RREB1: variants seen among roughly 807,000 people sequenced by gnomAD.
The protein encoded by RREB1 is ras-responsive element-binding protein 1.
A neutral mutation model predicts 117.8 loss-of-function variants in RREB1; 27 were observed. The ratio of observed to expected loss-of-function variants is 0.23; its 90% CI spans 0.17 to 0.32. The LOEUF is 0.32. Among genes scored for constraint, RREB1 ranks in the 10% least tolerant of loss-of-function variants. The pLI, the probability that RREB1 is intolerant of heterozygous loss-of-function variation, is 1.00. For synonymous variants in RREB1, 1,298 were observed against 1,026.7 expected, an observed-to-expected ratio of 1.26 and a Z score of -5.05; for missense variants, 2,577 against 2,378.2, an observed-to-expected ratio of 1.08 and a Z score of -1.74.
intron 1 of RREB1, among the ~76,000 whole-genome samples, chr6:7,161,835 G>A (rs1763679986): frequency 6.6e-6 from 1 of 152,072 alleles, no homozygotes; most frequent in Non-Finnish European, 1.5e-5. Flanking sequence ...TAGTGCCCCT[G>A]TCCCTTAAGA....
At chr6:7,188,855 T>C (rs981770713) in intron 5 of RREB1, among the ~76,000 whole-genome samples, 5 of 152,158 alleles carry the variant, frequency 3.3e-5, no homozygotes, top group African/African-American at 1.2e-4. Flanking sequence ...GGAGTTAATA[T>C]ATGTGGTCAC....
In RREB1 at chr6:7,249,266, AT is replaced by A. The variant is rs1748059329; in HGVS notation, c.*300del. 1 of 373,076 alleles carries A rather than the reference AT, an allele frequency of 2.7e-6. No homozygotes were observed. The highest frequency in any genetic ancestry group is 4.2e-5 in the Admixed American group (1 of 23,872). 23.1% of individuals were successfully genotyped at this position (373,076 alleles called of 1,614,324 possible). A position where few individuals can be genotyped will look rare whatever the true frequency, so the allele number is the denominator to read the frequency against. On this transcript the variant is annotated 3_prime_UTR_variant, in exon 13 of 13. Transcript: ENST00000379938. Reference sequence around the variant, plus strand: ...AAATGACTTCTTAAACAAAACAAATATTATAATGAATTGTCTGGAGAGGACC... The same window carrying A: ...AAATGACTTCTTAAACAAAACAAATATATAATGAATTGTCTGGAGAGGACC...
intron 1 of RREB1, among the ~76,000 whole-genome samples, chr6:7,156,879 T>C (rs1424968772): frequency 6.6e-6 from 1 of 152,174 alleles, no homozygotes; most frequent in African/African-American, 2.4e-5. Flanking sequence ...ACTTGGCTGC[T>C]CCTGTGTACC....
chr6:7,138,627 T>C (rs1762439198), intron 1 of RREB1, among the ~76,000 whole-genome samples: 1 of 152,160 alleles, frequency 6.6e-6, no homozygotes, highest in African/African-American at 2.4e-5. Context: ...GCTCTGAAAA[T>C]TGACAGTTTT....
At chr6:7,240,043 G>C (rs528202948) in intron 10 of RREB1, among the ~76,000 whole-genome samples, 14 of 152,320 alleles carry the variant, frequency 9.2e-5, no homozygotes, top group African/African-American at 2.4e-4. Flanking sequence ...CGGTGTCCTT[G>C]CCACACTAGA....
At chr6:7,170,414 G>GGT (rs763434287) in intron 1 of RREB1, among the ~76,000 whole-genome samples, 14 of 152,226 alleles carry the variant, frequency 9.2e-5, no homozygotes, top group Non-Finnish European at 2.1e-4. Flanking sequence ...GCAGCAGAGA[G>GGT]GTGAGGGAGG....
chr6:7,134,295 A>G (rs1051769201), intron 1 of RREB1, among the ~76,000 whole-genome samples: 3 of 152,242 alleles, frequency 2.0e-5, no homozygotes, highest in Non-Finnish European at 2.9e-5. Context: ...TGAAAAACAA[A>G]TTGAGCAGTT....
intron 1 of RREB1, among the ~76,000 whole-genome samples, chr6:7,112,873 G>C (rs193058793): frequency 6.6e-6 from 1 of 152,212 alleles, no homozygotes; most frequent in Non-Finnish European, 1.5e-5. Context: ...AACTGCAGCC[G>C]AGTGTAGCTG....
intron 1 of RREB1, among the ~76,000 whole-genome samples, chr6:7,130,017 T>C (rs766452618): frequency 1.1e-4 from 16 of 152,160 alleles, no homozygotes; most frequent in Non-Finnish European, 5.9e-5. Flanking sequence ...AACCTACTTG[T>C]CCCAGGTGTT....
intron 6 of RREB1, among the ~76,000 whole-genome samples, chr6:7,200,986 GT>G (rs1369113265): frequency 6.6e-6 from 1 of 152,222 alleles, no homozygotes; most frequent in African/African-American, 2.4e-5. Flanking sequence ...GTCTTACCGG[GT>G]AAAACTGGTG....
intron 1 of RREB1, among the ~76,000 whole-genome samples, chr6:7,119,832 A>C (rs1157502355): frequency 6.6e-6 from 1 of 152,224 alleles, no homozygotes; most frequent in East Asian, 1.9e-4. Context: ...GAAGAATGTC[A>C]GTTAGAACGC....
chr6:7,108,392 C>T (rs1425842463), intron 1 of RREB1, among the ~76,000 whole-genome samples: 1 of 151,964 alleles, frequency 6.6e-6, no homozygotes. Context: ...CCAACCAGCT[C>T]CCAGCGCGAG....
At chr6:7,165,414 C>T (rs1344232210) in intron 1 of RREB1, among the ~76,000 whole-genome samples, 3 of 152,258 alleles carry the variant, frequency 2.0e-5, no homozygotes, top group East Asian at 1.9e-4. Flanking sequence ...AAGTAAATTA[C>T]GGGTGGTGAG....
intron 4 of RREB1, among the ~76,000 whole-genome samples, chr6:7,182,336 A>G (rs1033918488): frequency 6.6e-6 from 1 of 152,048 alleles, no homozygotes; most frequent in Non-Finnish European, 1.5e-5. Context: ...TTGGATTTTA[A>G]CTCAAGCTTT....
At chr6:7,124,156 A>G (rs1018799028) in intron 1 of RREB1, among the ~76,000 whole-genome samples, 1 of 152,118 alleles carries the variant, frequency 6.6e-6, no homozygotes, top group Non-Finnish European at 1.5e-5. Flanking sequence ...TTGTTTAAGC[A>G]GTTCTTGATA....
At chr6:7,243,050 A>G (rs1438672295) in intron 11 of RREB1, among the ~76,000 whole-genome samples, 4 of 152,102 alleles carry the variant, frequency 2.6e-5, no homozygotes, top group Non-Finnish European at 4.4e-5. Context: ...TTTAATTCGT[A>G]TAAACATGAA....
At chr6:7,228,963 T>C (rs1468959679) in intron 9 of RREB1, 34 bp from the exon 10 acceptor site, 2 of 1,473,594 alleles carry the variant, frequency 1.4e-6, no homozygotes, top group Admixed American at 4.7e-5. Context: ...TCTTCACATG[T>C]GTTCCCTTGC....
chr6:7,147,886 C>T (rs903991190), intron 1 of RREB1, among the ~76,000 whole-genome samples: 6 of 151,930 alleles, frequency 3.9e-5, no homozygotes, highest in Admixed American at 3.9e-4. Flanking sequence ...TTTTAAGCTG[C>T]GTGTATTCAT....
chr6:7,181,302 CTTTATA>C, intron 3 of RREB1, 56 bp downstream of exon 3: 1 of 399,862 alleles, frequency 2.5e-6, no homozygotes, highest in Non-Finnish European at 4.4e-6. Context: ...ACGTTACCTG[CTTTATA>C]CATATTTTTT....
Sources: allele counts gnomAD v4.1 joint callset (sites outside exome capture counted in the v4.1 genomes callset), GRCh38; gene constraint gnomAD v4.1.1; transcripts MANE v1.5; gene names NCBI Gene and HGNC (gene_info 2026-07-23, HGNC 2026-07-21).